The following ATG9B variants were observed in gnomAD, a reference collection of about 807,000 sequenced individuals.
ATG9B encodes autophagy related 9B.
A neutral mutation model predicts 92.9 loss-of-function variants in ATG9B; 92 were observed. That is an observed-to-expected ratio of 0.99 (90% CI 0.84 to 1.18). The LOEUF is 1.18. Among genes scored for constraint, ATG9B ranks in the 50% most tolerant of loss-of-function variants. The pLI is 0.00. For missense variants in ATG9B, 1,344 were observed against 1,235.0 expected (o/e 1.09, Z -1.32); for synonymous variants, 599 against 551.4 (o/e 1.09, Z -1.21).
At position 151,019,403 on chromosome 7, in the gene ATG9B, AC is replaced by A. The variant is rs746652658; in HGVS notation, c.964-30del. 1.7e-4 allele frequency: 247 copies of A among 1,488,604 alleles called. No individual in the cohort carries two copies. The African/African-American group carries it at 3.0e-3, about 18-fold the overall frequency. 92.2% of individuals were successfully genotyped at this position (1,488,604 alleles called of 1,614,324 possible). On this transcript the variant is annotated intron_variant, in intron 5 of 13. Coordinates refer to ENST00000639579, the MANE Select transcript of ATG9B (RefSeq NM_001317056.2). ...AAAGGGGCACTGATGAGAGCCAGCG[AC>A]CCCCCATTCCTCTCCACAGTGATGC...
chr7:151,021,652 C>CTTT (rs36096005), intron 4 of ATG9B, among the ~76,000 whole-genome samples: 1 of 142,184 alleles, frequency 7.0e-6, no homozygotes, highest in African/African-American at 2.6e-5. Context: ...CTTGTACACT[C>CTTT]TTTTTTTTTT....
At position 151,018,847 on chromosome 7, in the gene ATG9B, G is replaced by A; in HGVS notation, c.1491C>T (p.His497=). The A allele has an allele frequency of 3.1e-6, 4 of 1,303,838 alleles. No individual in the cohort carries two copies. Among genetic ancestry groups the A allele is most frequent in the Non-Finnish European group, 3.9e-6 (4 of 1,030,092 alleles). 80.8% of individuals were successfully genotyped at this position (1,303,838 alleles called of 1,614,324 possible). The change falls in exon 6 of 14, where the codon CAC becomes CAT. Residue 497 remains histidine, a synonymous_variant. Transcript: ENST00000639579. The surrounding 1 kb of genome is among the most constrained non-coding windows in gnomAD (Gnocchi z 4.7). ...CGCGGGCCAGGCGCGCGCGCAGCTC[G>A]TGCGGCAGCTCGTTGAAGTGGCGCA... is the stretch of plus-strand genomic sequence containing the variant. The part of the protein sequence containing the change: ...LQLRHFNELP[H]ELRARLARAY...
chr7:151,018,634 G>C lies in ATG9B; in HGVS notation c.1704C>G (p.Thr568=), dbSNP rs758470634. 3 of 1,605,644 alleles carry C rather than the reference G, an allele frequency of 1.9e-6. No individual in the cohort carries two copies. The highest frequency in any genetic ancestry group is 2.5e-6 in the Non-Finnish European group (3 of 1,178,662). ...TGCCGTCGCACCTGGCGACGGTGGC[G>C]GTGACCCCGAGCGCGGTCATGGCGG... ...VLTAMTALGV[T]ATVARSFIPE... Residue 568 remains threonine, a synonymous_variant, in exon 6 of 14, where the codon ACC becomes ACG. Transcript: ENST00000639579. This position sits in a 1 kb window ranked among gnomAD's most constrained non-coding sequence, Gnocchi z 4.7.
In ATG9B at chr7:151,023,272, C is replaced by G. The variant is rs542061933; in HGVS notation, c.660-66G>C. 1.2e-5 allele frequency: 19 copies of G among 1,609,348 alleles called. No individual in the cohort carries two copies. In the African/African-American group the frequency reaches 2.1e-4, roughly 18 times the overall value. ...CAGGGACAGCCAGGTGGGCTCCTGC[C>G]CCAGCCCCCAGAGCAGCCCATGGTT... On this transcript the variant is annotated intron_variant, in intron 3 of 13. Coordinates refer to ENST00000639579, the MANE Select transcript of ATG9B (RefSeq NM_001317056.2).
At chr7:151,014,104 C>G (rs145823011), downstream of ATG9B, 5 of 1,613,524 alleles carry the variant, frequency 3.1e-6, no homozygotes, top group African/African-American at 6.7e-5. Context: ...CTTGCAGGAG[C>G]GTCAGTTGCG....
rs1795873201 is a variant in ATG9B at position 151,024,308 on chromosome 7, G to T, written c.116C>A (p.Ser39Ter). Reference protein sequence around the residue: ...PMPLPPPPPPSCRGPGGGRIS... With the variant: ...PMPLPPPPPP ...CCTCCCTCCCCCAGGTCCCCGGCAT[G>T]AAGGAGGAGGAGGAGGTGGCAGTGG... Residue 39 changes from serine to a stop codon, truncating the protein, a stop_gained, in exon 1 of 14, where the codon TCA becomes TAA. Transcript: ENST00000639579. LOFTEE classifies it high-confidence loss of function. 7.0e-7 allele frequency: 1 copy of T among 1,431,072 alleles called. No individual in the cohort carries two copies. The highest frequency in any genetic ancestry group is 9.2e-7 in the Non-Finnish European group (1 of 1,088,556). 88.6% of individuals were successfully genotyped at this position (1,431,072 alleles called of 1,614,324 possible). A position where few individuals can be genotyped will look rare whatever the true frequency, so the allele number is the denominator to read the frequency against.
chr7:151,018,962 A>C lies in ATG9B; in HGVS notation c.1376T>G (p.Leu459Arg). 1 of 1,577,424 alleles carries C rather than the reference A, an allele frequency of 6.3e-7. No homozygotes were observed. Among genetic ancestry groups the C allele is most frequent in the South Asian group, 1.1e-5 (1 of 87,510 alleles). ...LSPLVLAWQV[L>R]HVFYSHVELL... is the part of the protein sequence containing the mutation. ...CTCCACGTGGCTATAGAAGACGTGC[A>C]GAACCTGCCAGGCCAGCACCAGCGG... Residue 459 changes from leucine to arginine, a missense_variant, in exon 6 of 14, where the codon CTG (leucine) becomes CGG (arginine). Coordinates refer to ENST00000639579, the MANE Select transcript of ATG9B (RefSeq NM_001317056.2). This position sits in a 1 kb window ranked among gnomAD's most constrained non-coding sequence, Gnocchi z 4.7.
rs1795878416 is a variant in ATG9B, at chr7:151,024,371, C to T, written c.53G>A (p.Gly18Glu). Reference sequence around the variant, plus strand: ...GGGCACCGATCCGGGCCCCAGATCTCCCCACCGCCCCAGCCGCCTTCTTCT... The same window carrying T: ...GGGCACCGATCCGGGCCCCAGATCTTCCCACCGCCCCAGCCGCCTTCTTCT... ...GGRRRRLGRWGDLGPGSVPLL... is the reference protein window; with the variant it reads ...GGRRRRLGRWEDLGPGSVPLL... Residue 18 changes from glycine (G) to glutamate (E), a missense_variant, in exon 1 of 14, where the codon GGA (glycine) becomes GAA (glutamate). Gly to Glu is a moderately conservative substitution (Grantham distance 98, BLOSUM62 -2). Coordinates refer to ENST00000639579, the MANE Select transcript of ATG9B (RefSeq NM_001317056.2). The T allele has an allele frequency of 9.4e-6, 13 of 1,378,368 alleles. No homozygotes were observed. Among genetic ancestry groups the T allele is most frequent in the Non-Finnish European group, 1.2e-5 (13 of 1,061,308 alleles). The allele number at this position is 1,378,368 out of a possible 1,614,324, so 85.4% of individuals were successfully genotyped here.
chr7:151,018,331 G>C lies in ATG9B; in HGVS notation c.1835C>G (p.Ala612Gly), dbSNP rs769817909. 6.3e-7 allele frequency: 1 copy of C among 1,591,134 alleles called. No homozygotes were observed. The highest frequency in any genetic ancestry group is 1.3e-5 in the African/African-American group (1 of 74,204). ...CAGCAGCTGCGCCATCTGCCGGTAG[G>C]CGCGGTCCCTGCCGCCGGGGCCGGG... The part of the protein sequence containing the change: ...EEPGPGGRDR[A>G]YRQMAQLLQY... The change falls in exon 7 of 14, where the codon GCC becomes GGC. Residue 612 changes from alanine (A) to glycine (G), a missense_variant. Physicochemically the swap from Ala to Gly is moderately conservative, Grantham distance 60. Coordinates refer to ENST00000639579, the MANE Select transcript of ATG9B (RefSeq NM_001317056.2). This position sits in a 1 kb window ranked among gnomAD's most constrained non-coding sequence, Gnocchi z 4.7.
At chr7:151,012,903 A>G (rs942361455), downstream of ATG9B, 5 of 391,390 alleles carry the variant, frequency 1.3e-5, no homozygotes, top group African/African-American at 1.0e-4. Context: ...AGTTATAAGT[A>G]TGGGAGAATA....
chr7:151,012,762 T>G, downstream of ATG9B: 1 of 370,504 alleles, frequency 2.7e-6, no homozygotes, highest in Non-Finnish European at 5.0e-6. Flanking sequence ...CTGCCCAAGG[T>G]GGATTCTTGA....
chr7:151,014,262 G>A (rs549668191), downstream of ATG9B: 3 of 1,285,634 alleles, frequency 2.3e-6, no homozygotes, highest in East Asian at 5.1e-5. Context: ...CCCTCTTGAG[G>A]TGGTGCCTTC....
downstream of ATG9B, chr7:151,012,258 A>G: frequency 9.9e-7 from 1 of 1,011,348 alleles, no homozygotes; most frequent in Non-Finnish European, 1.3e-6. Context: ...AGATGGGAAG[A>G]ACTTGGGTCC....
At chr7:151,017,305 AAC>A (rs772851329) in intron 8 of ATG9B, 33 bp from the exon 9 acceptor site, 1 of 1,544,132 alleles carries the variant, frequency 6.5e-7, no homozygotes, top group South Asian at 1.2e-5. Flanking sequence ...AGGTGCTAAG[AAC>A]ACTGAGCCTT....
At position 151,015,666 on chromosome 7, in the gene ATG9B, T is replaced by C. The variant is rs544712408; in HGVS notation, c.*62A>G. 94 of 530,380 alleles carry C rather than the reference T, an allele frequency of 1.8e-4. No homozygotes were observed. Among genetic ancestry groups the C allele is most frequent in the Non-Finnish European group, 2.1e-5 (7 of 329,558 alleles). 32.9% of individuals were successfully genotyped at this position (530,380 alleles called of 1,614,324 possible). ...GGCCTCTAACAATGACTCCTTGTGT[T>C]TTTCTACTCCACCCTCCAATCTCCT... On this transcript the variant is annotated 3_prime_UTR_variant, in exon 14 of 14. Transcript: ENST00000639579.
rs1425352836 is a variant in ATG9B, at chr7:151,016,511, C to G, written c.2440G>C (p.Gly814Arg). Residue 814 changes from glycine (G) to arginine (R), a missense_variant, in exon 11 of 14, where the codon GGC becomes CGC. Coordinates refer to ENST00000639579, the MANE Select transcript of ATG9B (RefSeq NM_001317056.2). ...AQDPSSVSPGGTGGQKLAQLP... is the reference protein window; with the variant it reads ...AQDPSSVSPGRTGGQKLAQLP... ...TGGGCCAGCTTCTGGCCCCCAGTGC[C>G]TCCTGGGGACACAGAGCTGGAACAT... 13 of 1,550,878 alleles carry G rather than the reference C, an allele frequency of 8.4e-6. No individual in the cohort carries two copies. The highest frequency in any genetic ancestry group is 1.1e-5 in the Non-Finnish European group (13 of 1,146,956).
Position 151,018,827 on chromosome 7 carries a change from G to C in ATG9B, c.1511C>G (p.Ala504Gly), listed in dbSNP as rs1249987038. The change falls in exon 6 of 14, where the codon GCC (alanine) becomes GGC (glycine). Residue 504 changes from alanine (A) to glycine (G), a missense_variant. Coordinates refer to ENST00000639579, the MANE Select transcript of ATG9B (RefSeq NM_001317056.2). This position sits in a 1 kb window ranked among gnomAD's most constrained non-coding sequence, Gnocchi z 4.7. Reference protein sequence around the residue: ...ELPHELRARLARAYRPAAAFL... With the variant: ...ELPHELRARLGRAYRPAAAFL... ...GGCGGCGGCGGGGCGGTAGGCGCGG[G>C]CCAGGCGCGCGCGCAGCTCGTGCGG... is the stretch of plus-strand genomic sequence containing the variant. 2.3e-6 allele frequency: 3 copies of C among 1,294,798 alleles called. No homozygotes were observed. Among genetic ancestry groups the C allele is most frequent in the Non-Finnish European group, 2.9e-6 (3 of 1,025,382 alleles). 80.2% of individuals were successfully genotyped at this position (1,294,798 alleles called of 1,614,324 possible). A position where few individuals can be genotyped will look rare whatever the true frequency, so the allele number is the denominator to read the frequency against.
chr7:151,016,375 C>T (rs1018638875), intron 11 of ATG9B, 56 bp downstream of exon 11: 7 of 1,533,984 alleles, frequency 4.6e-6, no homozygotes, highest in Non-Finnish European at 6.2e-6. Context: ...CCTCAGTCTC[C>T]ATGTTGTTCA....
downstream of ATG9B, chr7:151,013,743 TGAGGACG>T (rs1400059097): frequency 6.2e-7 from 1 of 1,609,414 alleles, no homozygotes. Context: ...CAGGACATCC[TGAGGACG>T]GAGCTGGCTG....
Sources: allele counts gnomAD v4.1 joint callset (sites outside exome capture counted in the v4.1 genomes callset), GRCh38; gene constraint gnomAD v4.1.1; non-coding constraint Gnocchi (gnomAD v3.1); transcripts MANE v1.5; gene names NCBI Gene and HGNC (gene_info 2026-07-23, HGNC 2026-07-21).